The following PSME3 variants were observed in gnomAD, a reference collection of about 807,000 sequenced individuals.
PSME3 encodes proteasome activator subunit 3.
In PSME3, 7 loss-of-function variants were observed where a neutral mutation model predicts 38.3. The observed-to-expected ratio is 0.18, with a 90% confidence interval of 0.10 to 0.34. The LOEUF (loss-of-function observed/expected upper bound fraction) is 0.34. PSME3 is among the 10% of genes least tolerant of loss of function. The pLI, the probability that PSME3 is intolerant of heterozygous loss-of-function variation, is 1.00. For synonymous variants in PSME3, 108 were observed against 105.7 expected (o/e 1.02, Z -0.13); for missense variants, 192 against 307.6 (o/e 0.62, Z 2.81).
At chr17:42,839,249 C>T (rs2055501423) in intron 9 of PSME3, 45 bp from the exon 10 acceptor site, 1 of 1,579,956 alleles carries the variant, frequency 6.3e-7, no homozygotes, top group South Asian at 1.1e-5. Flanking sequence ...TGTCTGGAAA[C>T]AATTGGGCTT....
At chr17:42,834,729 T>C in intron 3 of PSME3, 43 bp from the exon 4 acceptor site, 1 of 1,611,392 alleles carries the variant, frequency 6.2e-7, no homozygotes. Flanking sequence ...TACTTCTTTG[T>C]TCAGCTTGAA....
chr17:42,840,645 C>CA (rs1297847764), intron 10 of PSME3, among the ~76,000 whole-genome samples: 6 of 152,088 alleles, frequency 3.9e-5, no homozygotes, highest in African/African-American at 9.7e-5. Context: ...ACCTACTGCA[C>CA]AAAATTCATT....
At chr17:42,834,277 T>C (rs1385141057) in intron 1 of PSME3, 67 bp from the exon 2 acceptor site, 2 of 1,611,220 alleles carry the variant, frequency 1.2e-6, no homozygotes, top group Admixed American at 1.7e-5. Context: ...GACAGTTGGA[T>C]TGGGATTCTC....
At chr17:42,838,377 G>A (rs570626998) in intron 6 of PSME3, among the ~76,000 whole-genome samples, 172 bp downstream of exon 6, 13 of 152,066 alleles carry the variant, frequency 8.5e-5, no homozygotes, top group Non-Finnish European at 1.8e-4. Context: ...GCGCCATCTC[G>A]GCTCACTGCA....
chr17:42,835,334 G>T (rs2055449181), intron 4 of PSME3, among the ~76,000 whole-genome samples: 1 of 152,156 alleles, frequency 6.6e-6, no homozygotes, highest in Non-Finnish European at 1.5e-5. Context: ...ACTGCACGGG[G>T]ACTCCAGTAT....
intron 6 of PSME3, 115 bp from the exon 7 acceptor site, chr17:42,838,616 C>A (rs1228303143): frequency 3.9e-6 from 4 of 1,026,446 alleles, no homozygotes; most frequent in African/African-American, 1.6e-5. Flanking sequence ...CCATGCCTGG[C>A]CAGACTAGGT....
At chr17:42,834,685 A>G (rs1597951915) in intron 3 of PSME3, 87 bp from the exon 4 acceptor site, 3 of 1,603,986 alleles carry the variant, frequency 1.9e-6, no homozygotes, top group East Asian at 2.2e-5. Flanking sequence ...TTTAAACTGT[A>G]AAAGCACTTT....
chr17:42,836,600 C>G (rs1025875494), intron 4 of PSME3, among the ~76,000 whole-genome samples: 2 of 152,086 alleles, frequency 1.3e-5, no homozygotes, highest in African/African-American at 2.4e-5. Context: ...CACTCTGTCA[C>G]CCAGGTTGGA....
In PSME3 at chr17:42,834,826, C is replaced by T; in HGVS notation, c.193C>T (p.Pro65Ser). ...TCAGATCCACTCTGACATGAATCTCCCAGTCCCTGACCCCATTCTTCTCAC... is the reference window on the plus strand; with the variant it reads ...TCAGATCCACTCTGACATGAATCTCTCAGTCCCTGACCCCATTCTTCTCAC... Reference protein sequence around the residue: ...LTQIHSDMNLPVPDPILLTNS... With the variant: ...LTQIHSDMNLSVPDPILLTNS... Residue 65 changes from proline to serine, a missense_variant, in exon 4 of 11, where the codon CCA (proline) becomes TCA (serine). Around this residue, in one of 2 missense-constraint regions of PSME3, gnomAD observed 110 missense variants for 139.3 expected, o/e 0.79. Transcript: ENST00000590720. The T allele has an allele frequency of 6.2e-7, 1 of 1,614,062 alleles. No individual in the cohort carries two copies. The highest frequency in any genetic ancestry group is 1.1e-5 in the South Asian group (1 of 91,074).
At chr17:42,836,098 G>A (rs941599146) in intron 4 of PSME3, among the ~76,000 whole-genome samples, 2 of 150,384 alleles carry the variant, frequency 1.3e-5, no homozygotes, top group South Asian at 2.1e-4. Flanking sequence ...TCCGCCTCCC[G>A]GGTTCAAGTG....
At position 42,840,653 on chromosome 17, in the gene PSME3, A is replaced by AT. The variant is rs1390391189; in HGVS notation, c.685-843dup. 2.6e-5 allele frequency among the ~76,000 whole-genome samples: 4 copies of AT among 152,196 alleles called. No homozygotes were observed. The East Asian group carries it at 5.8e-4, about 22-fold the overall frequency. ...GAAGAGTACCTACTGCACAAAATTC[A>AT]TTCGCTTTTTTAAAATAAGTGAGAT... On this transcript the variant is annotated intron_variant, in intron 10 of 10. Coordinates refer to ENST00000590720, the MANE Select transcript of PSME3 (RefSeq NM_005789.4).
intron 3 of PSME3, 24 bp from the exon 4 acceptor site, chr17:42,834,748 T>C (rs1432273044): frequency 1.2e-6 from 2 of 1,612,904 alleles, no homozygotes; most frequent in Admixed American, 3.4e-5. Context: ...AAAAGATTAA[T>C]GTTTTGGGGT....
intron 10 of PSME3, among the ~76,000 whole-genome samples, chr17:42,840,343 C>T (rs1341678683): frequency 6.6e-6 from 1 of 150,722 alleles, no homozygotes; most frequent in Non-Finnish European, 1.5e-5. Context: ...TGGTGGATCA[C>T]ACCTGTAATG....
At chr17:42,841,266 C>T (rs78605612) in intron 10 of PSME3, among the ~76,000 whole-genome samples, 1 of 151,588 alleles carries the variant, frequency 6.6e-6, no homozygotes, top group Non-Finnish European at 1.5e-5. Context: ...AAAATGACAT[C>T]GAACAAAATG....
In PSME3 at chr17:42,838,972, G is replaced by T; in HGVS notation, c.502G>T (p.Val168Phe). 6.2e-7 allele frequency: 1 copy of T among 1,614,186 alleles called. No individual in the cohort carries two copies. Among genetic ancestry groups the T allele is most frequent in the South Asian group, 1.1e-5 (1 of 91,076 alleles). Residue 168 changes from valine to phenylalanine, a missense_variant, in exon 8 of 11, where the codon GTT (valine) becomes TTT (phenylalanine). Around this residue, in one of 2 missense-constraint regions of PSME3, gnomAD observed 82 missense variants for 168.2 expected, o/e 0.49. Transcript: ENST00000590720. ...GGAAACAGTTGCAGAGCTAAGAACT[G>T]TTGAGAGTGAAGCTGCATCTTATCT... ...QEETVAELRT[V>F]ESEAASYLDQ...
At position 42,841,479 on chromosome 17, in the gene PSME3, CT is replaced by C; in HGVS notation, c.685-18del. 6.5e-7 allele frequency: 1 copy of C among 1,539,404 alleles called. No individual in the cohort carries two copies. The highest frequency in any genetic ancestry group is 2.3e-5 in the East Asian group (1 of 44,086). ...AGGGTTGTACAGATATGTGATTCCC[CT>C]GATCCCTCTTCTCTCAGGTCACTCT... On this transcript the variant is annotated intron_variant, in intron 10 of 10. Coordinates refer to ENST00000590720, the MANE Select transcript of PSME3 (RefSeq NM_005789.4).
At chr17:42,835,858 A>G (rs1310561077) in intron 4 of PSME3, among the ~76,000 whole-genome samples, 1 of 152,160 alleles carries the variant, frequency 6.6e-6, no homozygotes, top group Non-Finnish European at 1.5e-5. Context: ...TGTAACTGCA[A>G]TTGCTATCTT....
At position 42,841,810 on chromosome 17, in the gene PSME3, G is replaced by T; in HGVS notation, c.*232G>T. 2.7e-6 allele frequency: 1 copy of T among 369,582 alleles called. No individual in the cohort carries two copies. Among genetic ancestry groups the T allele is most frequent in the Non-Finnish European group, 4.9e-6 (1 of 205,458 alleles). The allele number at this position is 369,582 out of a possible 1,614,324, so 22.9% of individuals were successfully genotyped here. On this transcript the variant is annotated 3_prime_UTR_variant, in exon 11 of 11. Coordinates refer to ENST00000590720, the MANE Select transcript of PSME3 (RefSeq NM_005789.4). ...CCTAATACCCCACACCCAACCTGTCGTAATTTCTGGAGAACTCCAGGTTTG... is the reference window on the plus strand; with the variant it reads ...CCTAATACCCCACACCCAACCTGTCTTAATTTCTGGAGAACTCCAGGTTTG...
Position 42,842,537 on chromosome 17 carries a change from G to T in PSME3, c.*959G>T, listed in dbSNP as rs763020295. On this transcript the variant is annotated 3_prime_UTR_variant, in exon 11 of 11. Coordinates refer to ENST00000590720, the MANE Select transcript of PSME3 (RefSeq NM_005789.4). ...TTTTCCCAGCCAGTTTTCAGTTGGG[G>T]TGAAGGTTTCTGCAAGTGTGAGGTC... The T allele has an allele frequency of 2.0e-5, 3 of 152,924 alleles. No homozygotes were observed. The highest frequency in any genetic ancestry group is 4.8e-5 in the African/African-American group (2 of 41,460). 9.5% of individuals were successfully genotyped at this position (152,924 alleles called of 1,614,324 possible).
Sources: gnomAD v4.1 joint callset for allele counts (sites outside exome capture counted in the v4.1 genomes callset) on GRCh38, gnomAD v4.1.1 for gene constraint, gnomAD v4.1.1 regional missense constraint, MANE v1.5 for transcripts, NCBI Gene and HGNC (gene_info 2026-07-23, HGNC 2026-07-21) for gene names.